Variants in ZNF512 observed in about 807,000 individuals in gnomAD.
ZNF512 encodes the protein zinc finger protein 512.
ZNF512 carries 25 observed loss-of-function variants against 77.5 expected under a neutral mutation model. The ratio of observed to expected loss-of-function variants is 0.32; its 90% CI spans 0.23 to 0.45. The LOEUF is 0.45. Ranked by LOEUF, ZNF512 falls within the 20% of genes least tolerant of loss-of-function variation. The probability of loss-of-function intolerance (pLI) is 1.00; values close to 1 mark genes in which losing one functional copy is unlikely to be tolerated. For synonymous variants in ZNF512, 246 were observed against 239.9 expected (o/e 1.03, Z -0.24); for missense variants, 483 against 692.6 (o/e 0.70, Z 3.40).
Position 27,622,768 on chromosome 2 carries a change from G to A in ZNF512, c.*1307G>A, listed in dbSNP as rs1673174520. 6.5e-6 allele frequency: 1 copy of A among 152,770 alleles called. No homozygotes were observed. The allele number at this position is 152,770 out of a possible 1,614,324, so 9.5% of individuals were successfully genotyped here. ...TAAAAAATGAACCTGATATAGACAA[G>A]TACTACCTTTTCAAATTCTGAAAGG... is the stretch of plus-strand genomic sequence containing the variant. On this transcript the variant is annotated 3_prime_UTR_variant, in exon 14 of 14. Coordinates refer to ENST00000355467, the MANE Select transcript of ZNF512 (RefSeq NM_032434.4).
intron 11 of ZNF512, 42 bp downstream of exon 11, chr2:27,615,311 G>T (rs781422439): frequency 2.3e-6 from 3 of 1,305,976 alleles, no homozygotes. Context: ...TGTTTATCAA[G>T]CATCTGCTCT....
intron 1 of ZNF512, 70 bp from the exon 2 acceptor site, chr2:27,583,588 G>T: frequency 6.3e-7 from 1 of 1,592,228 alleles, no homozygotes; most frequent in East Asian, 2.3e-5. Context: ...CTGGGCATAG[G>T]GGAATTCGTC....
chr2:27,622,496 TTC>T lies in ZNF512; in HGVS notation c.*1040_*1041del, dbSNP rs1205397615. On this transcript the variant is annotated 3_prime_UTR_variant, in exon 14 of 14. Transcript: ENST00000355467. The stretch of plus-strand genomic sequence containing the variant: ...GTCCTATCCTCTTTTATATATGGAG[TTC>T]TCTCCTCTTTATATCCTGAGACTTT... 2.0e-5 allele frequency: 3 copies of T among 152,782 alleles called. No homozygotes were observed. Among genetic ancestry groups the T allele is most frequent in the African/African-American group, 7.2e-5 (3 of 41,448 alleles). The allele number at this position is 152,782 out of a possible 1,614,324, so 9.5% of individuals were successfully genotyped here. A position where few individuals can be genotyped will look rare whatever the true frequency, so the allele number is the denominator to read the frequency against.
intron 9 of ZNF512, 138 bp downstream of exon 9, chr2:27,603,445 T>C (rs1672213200): frequency 2.2e-6 from 2 of 893,536 alleles, no homozygotes; most frequent in Non-Finnish European, 3.2e-6. Flanking sequence ...TTGTCTCTTC[T>C]TTATTCGTTC....
chr2:27,609,033 C>T (rs994771767), intron 10 of ZNF512, among the ~76,000 whole-genome samples: 6 of 150,776 alleles, frequency 4.0e-5, no homozygotes, highest in South Asian at 4.2e-4. Context: ...CGCTTGAACC[C>T]GGGAGGTGGA....
chr2:27,585,080 C>T (rs1671270715), intron 2 of ZNF512, among the ~76,000 whole-genome samples: 1 of 152,076 alleles, frequency 6.6e-6, no homozygotes. Context: ...TAGGGAACAA[C>T]GTATAGGGAA....
chr2:27,593,359 T>G (rs957311631), intron 2 of ZNF512, among the ~76,000 whole-genome samples: 23 of 132,442 alleles, frequency 1.7e-4, no homozygotes, highest in Admixed American at 1.1e-3. Context: ...GCCACTACAC[T>G]CCAGCCTGAG....
At position 27,610,544 on chromosome 2, in the gene ZNF512, G is replaced by GTGTATATATA. The variant is rs1413007886; in HGVS notation, c.1131+2506_1131+2507insGTATATATAT. 4.6e-4 allele frequency among the ~76,000 whole-genome samples: 15 copies of GTGTATATATA among 32,662 alleles called. 1 individual carries two copies. The highest frequency in any genetic ancestry group is 1.7e-3 in the South Asian group (1 of 590). The allele number at this position is 32,662 out of a possible 152,430, so 21.4% of individuals were successfully genotyped here. A position where few individuals can be genotyped will look rare whatever the true frequency, so the allele number is the denominator to read the frequency against. The stretch of plus-strand genomic sequence containing the variant: ...TATGTGTGTGTATATATATGTGTGT[G>GTGTATATATA]TATATATATATATATATATATATAT... On this transcript the variant is annotated intron_variant, in intron 10 of 13. Transcript: ENST00000355467.
chr2:27,602,867 G>A lies in ZNF512; in HGVS notation c.769-273G>A, dbSNP rs765415878. ...GGTATTTGATATTGGGATGGGGTTG[G>A]ATCACAGACCAAGGAGAAAGCTCTG... On this transcript the variant is annotated intron_variant, in intron 8 of 13. Transcript: ENST00000355467. Among the ~76,000 whole-genome samples, 47 of 152,184 alleles carry A rather than the reference G, an allele frequency of 3.1e-4. 1 individual carries two copies. The Middle Eastern group carries it at 0.01, about 33-fold the overall frequency.
At position 27,623,024 on chromosome 2, in the gene ZNF512, A is replaced by C. The variant is rs928475626; in HGVS notation, c.*1563A>C. On this transcript the variant is annotated 3_prime_UTR_variant, in exon 14 of 14. Coordinates refer to ENST00000355467, the MANE Select transcript of ZNF512 (RefSeq NM_032434.4). Reference sequence around the variant, plus strand: ...GTCAGGGAGGAGAAATGAAGAAGCTATGTTAATTTCTGGTGAGTAAGACCT... The same window carrying C: ...GTCAGGGAGGAGAAATGAAGAAGCTCTGTTAATTTCTGGTGAGTAAGACCT... The C allele has an allele frequency of 2.0e-5, 3 of 152,828 alleles. No individual in the cohort carries two copies. The highest frequency in any genetic ancestry group is 7.2e-5 in the African/African-American group (3 of 41,468). The allele number at this position is 152,828 out of a possible 1,614,324, so 9.5% of individuals were successfully genotyped here. A position where few individuals can be genotyped will look rare whatever the true frequency, so the allele number is the denominator to read the frequency against.
intron 9 of ZNF512, among the ~76,000 whole-genome samples, chr2:27,605,840 C>A (rs558555275): frequency 1.1e-4 from 16 of 152,276 alleles, no homozygotes; most frequent in Non-Finnish European, 2.1e-4. Context: ...AATGAGATTT[C>A]TGGGTCATAT....
At chr2:27,594,494 C>G (rs1320030455) in intron 2 of ZNF512, among the ~76,000 whole-genome samples, 1 of 102,360 alleles carries the variant, frequency 9.8e-6, no homozygotes, top group Admixed American at 1.1e-4. Flanking sequence ...ACCTCCCAGA[C>G]AGGGCGGCCG....
intron 2 of ZNF512, among the ~76,000 whole-genome samples, chr2:27,595,757 G>C (rs1671838645): frequency 6.6e-6 from 1 of 151,994 alleles, no homozygotes; most frequent in Non-Finnish European, 1.5e-5. Context: ...GATTTCATTT[G>C]GTTCTTTTTT....
In ZNF512 at chr2:27,615,220, A is replaced by G; in HGVS notation, c.1184A>G (p.Lys395Arg). 2 of 1,607,856 alleles carry G rather than the reference A, an allele frequency of 1.2e-6. No homozygotes were observed. The highest frequency in any genetic ancestry group is 1.7e-6 in the Non-Finnish European group (2 of 1,177,162). ...ACCTTCAGCCAGGAAGTACTACATAAATGGAAGACAGATATCAAGAAATAT... is the reference window on the plus strand; with the variant it reads ...ACCTTCAGCCAGGAAGTACTACATAGATGGAAGACAGATATCAAGAAATAT... Reference protein sequence around the residue: ...LPTFSQEVLHKWKTDIKKYHR... With the variant: ...LPTFSQEVLHRWKTDIKKYHR... Residue 395 changes from lysine to arginine, a missense_variant, in exon 11 of 14, where the codon AAA becomes AGA. Lys to Arg is a conservative substitution (Grantham distance 26). Coordinates refer to ENST00000355467, the MANE Select transcript of ZNF512 (RefSeq NM_032434.4).
intron 3 of ZNF512, among the ~76,000 whole-genome samples, chr2:27,599,305 C>G (rs1366897143): frequency 1.3e-5 from 2 of 152,106 alleles, no homozygotes; most frequent in East Asian, 3.9e-4. Context: ...AGCCTCAAGT[C>G]AAGATTAAGC....
Position 27,607,956 on chromosome 2 carries a change from C to A in ZNF512, c.1048C>A (p.Leu350Ile). The stretch of plus-strand genomic sequence containing the variant: ...TTCTGCCAAGATAGCTGTATACCAC[C>A]TACAGGAGCTGGCCTCTGCTGAACT... ...RRSAKIAVYH[L>I]QELASAELAK... Residue 350 changes from leucine (L) to isoleucine (I), a missense_variant, in exon 10 of 14, where the codon CTA becomes ATA. Physicochemically the swap from Leu to Ile is conservative, Grantham distance 5. Around this residue, in one of 2 missense-constraint regions of ZNF512, gnomAD observed 324 missense variants for 525.0 expected, o/e 0.62. Transcript: ENST00000355467. 1 of 1,613,838 alleles carries A rather than the reference C, an allele frequency of 6.2e-7. No individual in the cohort carries two copies. The highest frequency in any genetic ancestry group is 8.5e-7 in the Non-Finnish European group (1 of 1,179,852).
chr2:27,609,642 G>C (rs887780247), intron 10 of ZNF512, among the ~76,000 whole-genome samples: 1 of 152,170 alleles, frequency 6.6e-6, no homozygotes, highest in African/African-American at 2.4e-5. Context: ...GCCGTGGTGG[G>C]CCGATCATCT....
chr2:27,617,458 C>T lies in ZNF512; in HGVS notation c.1297-15C>T, dbSNP rs1209306182. ...ATTTACCAGTAATTCTTTTTTGTTT[C>T]TCTCTTGGAAATAGGGAAACTTTGT... On this transcript the variant is annotated splice_polypyrimidine_tract_variant and intron_variant, in intron 12 of 13. Coordinates refer to ENST00000355467, the MANE Select transcript of ZNF512 (RefSeq NM_032434.4). 2.8e-6 allele frequency: 3 copies of T among 1,083,960 alleles called. No individual in the cohort carries two copies. The highest frequency in any genetic ancestry group is 1.7e-5 in the Admixed American group (1 of 58,450). 67.1% of individuals were successfully genotyped at this position (1,083,960 alleles called of 1,614,324 possible).
chr2:27,621,022 T>C (rs1361281270), intron 13 of ZNF512, 131 bp from the exon 14 acceptor site: 3 of 957,566 alleles, frequency 3.1e-6, no homozygotes, highest in Non-Finnish European at 4.6e-6. Context: ...AATCCTGAGG[T>C]ATGGTTCCAT....
Sources: allele counts gnomAD v4.1 joint callset (sites outside exome capture counted in the v4.1 genomes callset), GRCh38; gene constraint gnomAD v4.1.1; regional missense constraint gnomAD v4.1.1; transcripts MANE v1.5; gene names NCBI Gene and HGNC (gene_info 2026-07-23, HGNC 2026-07-21).